The following CABYR variants were observed in gnomAD, a reference collection of about 807,000 sequenced individuals.
CABYR encodes calcium-binding tyrosine phosphorylation-regulated protein.
CABYR carries 31 observed loss-of-function variants against 36.1 expected under a neutral mutation model. The observed-to-expected ratio is 0.86, with a 90% CI of 0.64 to 1.16. CABYR has a LOEUF of 1.16. CABYR is among the 50% of genes most tolerant of loss of function. The pLI, the probability that CABYR is intolerant of heterozygous loss-of-function variation, is 0.00. For synonymous variants in CABYR, 146 were observed against 160.7 expected (o/e 0.91, Z 0.69); for missense variants, 429 against 455.8 (o/e 0.94, Z 0.53).
At chr18:24,160,260 A>C in intron 5 of CABYR, 191 bp downstream of exon 5, 2 of 585,492 alleles carry the variant, frequency 3.4e-6, no homozygotes, top group South Asian at 4.2e-5. Context: ...CAGCAGGTGC[A>C]CTGTACCACA....
chr18:24,150,791 T>G (rs377364798), intron 3 of CABYR, among the ~76,000 whole-genome samples: 6,437 of 147,968 alleles, frequency 0.044, 411 homozygotes, highest in African/African-American at 0.15. Flanking sequence ...TTGTTTTTTT[T>G]TTTTTTTGAG....
Position 24,160,071 on chromosome 18 carries a change from T to G in CABYR, c.1139+2T>G. 1 of 1,600,340 alleles carries G rather than the reference T, an allele frequency of 6.2e-7. No homozygotes were observed. The highest frequency in any genetic ancestry group is 1.4e-5 in the African/African-American group (1 of 73,726). On this transcript the variant is annotated splice_donor_variant, in intron 5 of 5. Transcript: ENST00000399496. LOFTEE classifies it high-confidence loss of function. Reference sequence around the variant, plus strand: ...TCGCAAAGCAGAAACTGAAAACTGGTAGGTACACTTTCCTACCATAATATT... The same window carrying G: ...TCGCAAAGCAGAAACTGAAAACTGGGAGGTACACTTTCCTACCATAATATT...
intron 1 of CABYR, among the ~76,000 whole-genome samples, chr18:24,142,389 CT>C (rs33995963): frequency 0.8 from 121,263 of 152,054 alleles, 48,471 homozygotes; most frequent in Middle Eastern, 0.88. Context: ...TAGAAAAAAA[CT>C]TATCTTGTAA....
chr18:24,158,609 C>T (rs1245886665), intron 4 of CABYR, among the ~76,000 whole-genome samples: 3 of 152,142 alleles, frequency 2.0e-5, no homozygotes, highest in Non-Finnish European at 4.4e-5. Flanking sequence ...TGAGCCACTG[C>T]GCCCGGCCCG....
intron 5 of CABYR, among the ~76,000 whole-genome samples, chr18:24,161,290 A>G (rs1405364046): frequency 6.6e-6 from 1 of 152,238 alleles, no homozygotes; most frequent in Non-Finnish European, 1.5e-5. Flanking sequence ...TCTTAGGGCT[A>G]CATGTACTTC....
chr18:24,139,671 A>G lies in CABYR; in HGVS notation c.-25+553A>G, dbSNP rs184418670. ...AGAATTATTAAGCTGTCGCTTTTAAATAACCCTAATAGTGTTTGTGACAAT... is the reference window on the plus strand; with the variant it reads ...AGAATTATTAAGCTGTCGCTTTTAAGTAACCCTAATAGTGTTTGTGACAAT... On this transcript the variant is annotated intron_variant, in intron 1 of 5. Coordinates refer to ENST00000399496, the MANE Select transcript of CABYR (RefSeq NM_153769.3). The G allele has an allele frequency of 2.0e-5, 3 of 152,410 alleles. No homozygotes were observed. The East Asian group carries it at 5.8e-4, about 29-fold the overall frequency. 9.4% of individuals were successfully genotyped at this position (152,410 alleles called of 1,614,324 possible). A position where few individuals can be genotyped will look rare whatever the true frequency, so the allele number is the denominator to read the frequency against.
At chr18:24,156,722 TGCTATCAAAATAG>T (rs760395784) in intron 4 of CABYR, 1 of 1,614,206 alleles carries the variant, frequency 6.2e-7, no homozygotes, top group South Asian at 1.1e-5. Flanking sequence ...ATGCAGAAGG[TGCTATCAAAATAG>T]GCTCTGAAAA....
Position 24,159,765 on chromosome 18 carries a change from C to A in CABYR, c.835C>A (p.His279Asn). 6.2e-7 allele frequency: 1 copy of A among 1,614,046 alleles called. No homozygotes were observed. The highest frequency in any genetic ancestry group is 2.2e-5 in the East Asian group (1 of 44,872). ...ACAGGGATGGAAACCTCTTCCTGGA[C>A]ATGCTGTCGTTTCACAGTCAGATGT... ...EAQGWKPLPG[H>N]AVVSQSDVLR... Residue 279 changes from histidine (H) to asparagine (N), a missense_variant, in exon 5 of 6, where the codon CAT (histidine) becomes AAT (asparagine). By Grantham distance (68) the His-to-Asn change is moderately conservative. Transcript: ENST00000399496.
rs561360855 is a variant in CABYR, at chr18:24,143,325, T to C, written c.146-35T>C. 9.8e-5 allele frequency: 157 copies of C among 1,594,288 alleles called. No individual in the cohort carries two copies. In the South Asian group the frequency reaches 1.3e-3, roughly 14 times the overall value. Reference sequence around the variant, plus strand: ...AACATTTTAAGTTAGGAATTTCATGTATCTGTATTTGATTTCCTGTATTGA... The same window carrying C: ...AACATTTTAAGTTAGGAATTTCATGCATCTGTATTTGATTTCCTGTATTGA... On this transcript the variant is annotated intron_variant, in intron 2 of 5. Coordinates refer to ENST00000399496, the MANE Select transcript of CABYR (RefSeq NM_153769.3).
intron 1 of CABYR, among the ~76,000 whole-genome samples, chr18:24,139,324 T>C (rs1420588963): frequency 2.0e-5 from 3 of 151,470 alleles, no homozygotes; most frequent in African/African-American, 7.3e-5. Flanking sequence ...GGTGGGTCCG[T>C]CGCCCGCCTC....
At position 24,147,048 on chromosome 18, in the gene CABYR, T is replaced by C. The variant is rs117895694; in HGVS notation, c.199+3635T>C. ...GGTTCATGCCTGCAATCCAAGTGCTTTGGGAGGCTGAGGTGGGAGGATCAC... is the reference window on the plus strand; with the variant it reads ...GGTTCATGCCTGCAATCCAAGTGCTCTGGGAGGCTGAGGTGGGAGGATCAC... On this transcript the variant is annotated intron_variant, in intron 3 of 5. Coordinates refer to ENST00000399496, the MANE Select transcript of CABYR (RefSeq NM_153769.3). Among the ~76,000 whole-genome samples, 98 of 152,098 alleles carry C rather than the reference T, an allele frequency of 6.4e-4. 2 individuals carry two copies. In the East Asian group the frequency reaches 0.018, roughly 28 times the overall value.
chr18:24,154,741 G>A (rs1287420062), intron 3 of CABYR, among the ~76,000 whole-genome samples: 1 of 152,212 alleles, frequency 6.6e-6, no homozygotes, highest in Non-Finnish European at 1.5e-5. Flanking sequence ...TAATGACTAA[G>A]GTAGTTAGGT....
chr18:24,149,997 C>A (rs1376366350), intron 3 of CABYR, among the ~76,000 whole-genome samples: 2 of 152,256 alleles, frequency 1.3e-5, no homozygotes, highest in African/African-American at 4.8e-5. Context: ...CAGAAAGGGG[C>A]TCCCACAGTG....
chr18:24,156,628 CAGT>C (rs1293227221), intron 4 of CABYR: 4 of 1,614,050 alleles, frequency 2.5e-6, no homozygotes, highest in Non-Finnish European at 3.4e-6. Flanking sequence ...AAATATTCCT[CAGT>C]ATATATGGAG....
At chr18:24,161,033 C>CTGA (rs2085961491) in intron 5 of CABYR, among the ~76,000 whole-genome samples, 1 of 152,142 alleles carries the variant, frequency 6.6e-6, no homozygotes, top group African/African-American at 2.4e-5. Context: ...AGAAGAATGA[C>CTGA]TGATTGCTGT....
intron 4 of CABYR, chr18:24,156,326 A>G (rs1404278007): frequency 6.2e-7 from 1 of 1,614,048 alleles, no homozygotes; most frequent in South Asian, 1.1e-5. Context: ...CTTATGATCA[A>G]GCTCCTGAGG....
intron 4 of CABYR, among the ~76,000 whole-genome samples, chr18:24,158,178 G>C (rs1156407366): frequency 6.6e-6 from 1 of 152,054 alleles, no homozygotes; most frequent in Non-Finnish European, 1.5e-5. Flanking sequence ...CACAAATTCA[G>C]ATTATCAAAA....
At chr18:24,147,487 A>AT (rs977603918) in intron 3 of CABYR, among the ~76,000 whole-genome samples, 2 of 152,080 alleles carry the variant, frequency 1.3e-5, no homozygotes, top group Non-Finnish European at 2.9e-5. Context: ...AGGCAAACAA[A>AT]TTTTTTTAAA....
rs2085905114 is a variant in CABYR, at chr18:24,159,900, C to T, written c.970C>T (p.Pro324Ser). ...TAATCCTCCAAGTGGACAAGATGTCCCCAGGCCAAAAAGCCCTGTTTTCCT... is the reference window on the plus strand; with the variant it reads ...TAATCCTCCAAGTGGACAAGATGTCTCCAGGCCAAAAAGCCCTGTTTTCCT... ...NANPPSGQDV[P>S]RPKSPVFLSV... Residue 324 changes from proline (P) to serine (S), a missense_variant, in exon 5 of 6, where the codon CCC (proline) becomes TCC (serine). Coordinates refer to ENST00000399496, the MANE Select transcript of CABYR (RefSeq NM_153769.3). 1 of 1,614,102 alleles carries T rather than the reference C, an allele frequency of 6.2e-7. No individual in the cohort carries two copies. The highest frequency in any genetic ancestry group is 8.5e-7 in the Non-Finnish European group (1 of 1,180,028).
Sources: gnomAD v4.1 joint callset for allele counts (sites outside exome capture counted in the v4.1 genomes callset) on GRCh38, gnomAD v4.1.1 for gene constraint, MANE v1.5 for transcripts, NCBI Gene and HGNC (gene_info 2026-07-23, HGNC 2026-07-21) for gene names.